TRAPPC5: variants seen among roughly 807,000 people sequenced by gnomAD.
The protein encoded by TRAPPC5 is trafficking protein particle complex subunit 5.
TRAPPC5 carries 5 observed loss-of-function variants against 9.8 expected under a neutral mutation model. That is an observed-to-expected ratio of 0.51 (90% CI 0.27 to 1.07). The LOEUF is 1.07. TRAPPC5 is among the 50% of genes least tolerant of loss of function. The probability of loss-of-function intolerance (pLI) is 0.12; values close to 1 mark genes in which losing one functional copy is unlikely to be tolerated. For missense variants in TRAPPC5, 243 were observed against 291.5 expected (o/e 0.83, Z 1.21); for synonymous variants, 146 against 140.7 (o/e 1.04, Z -0.26).
In TRAPPC5 at chr19:7,686,163, C is replaced by T. The variant is rs1388074815; in HGVS notation, c.*3343C>T. 1 of 152,440 alleles carries T rather than the reference C, an allele frequency of 6.6e-6. No individual in the cohort carries two copies. The highest frequency in any genetic ancestry group is 1.5e-5 in the Non-Finnish European group (1 of 68,282). 9.4% of individuals were successfully genotyped at this position (152,440 alleles called of 1,614,324 possible). On this transcript the variant is annotated 3_prime_UTR_variant, in exon 2 of 2. Coordinates refer to ENST00000596148, the MANE Select transcript of TRAPPC5 (RefSeq NM_001042462.2). ...AAGCTGGGAGTGCAGGGCCCAGGGTCTGTTCCCACGCCCCATCCCCACCGG... is the reference window on the plus strand; with the variant it reads ...AAGCTGGGAGTGCAGGGCCCAGGGTTTGTTCCCACGCCCCATCCCCACCGG...
rs1304472659 is a variant in TRAPPC5 at position 7,681,665 on chromosome 19, C to G, written c.-12-577C>G. Reference sequence around the variant, plus strand: ...GCCCCCAACCCTCCTGGCTTTTGGTCTTGACACGCTCCTACCCCACTCCCA... The same window carrying G: ...GCCCCCAACCCTCCTGGCTTTTGGTGTTGACACGCTCCTACCCCACTCCCA... On this transcript the variant is annotated intron_variant, in intron 1 of 1. Coordinates refer to ENST00000596148, the MANE Select transcript of TRAPPC5 (RefSeq NM_001042462.2). This position sits in a 1 kb window ranked among gnomAD's most constrained non-coding sequence, Gnocchi z 8.7. Among the ~76,000 whole-genome samples the G allele has an allele frequency of 6.6e-6, 1 of 151,894 alleles. No individual in the cohort carries two copies. The highest frequency in any genetic ancestry group is 1.5e-5 in the Non-Finnish European group (1 of 67,978).
chr19:7,682,847 A>G lies in TRAPPC5; in HGVS notation c.*27A>G. 6.5e-7 allele frequency: 1 copy of G among 1,542,996 alleles called. No homozygotes were observed. Among genetic ancestry groups the G allele is most frequent in the Admixed American group, 1.9e-5 (1 of 52,360 alleles). ...CCTGCCGGAGATAAAGGATACAGAG[A>G]GCCCCTCCCCACGTGTGTCTTGTGT... is the stretch of plus-strand genomic sequence containing the variant. On this transcript the variant is annotated 3_prime_UTR_variant, in exon 2 of 2. Transcript: ENST00000596148. This position sits in a 1 kb window ranked among gnomAD's most constrained non-coding sequence, Gnocchi z 8.6.
Position 7,680,891 on chromosome 19 carries a change from C to G in TRAPPC5, c.-13+13C>G, listed in dbSNP as rs945927157. The G allele has an allele frequency of 1.3e-5, 2 of 152,298 alleles. No individual in the cohort carries two copies. The highest frequency in any genetic ancestry group is 2.4e-5 in the African/African-American group (1 of 41,456). The allele number at this position is 152,298 out of a possible 1,614,324, so 9.4% of individuals were successfully genotyped here. On this transcript the variant is annotated intron_variant, in intron 1 of 1. Coordinates refer to ENST00000596148, the MANE Select transcript of TRAPPC5 (RefSeq NM_001042462.2). ...GCTGCGGTTCCTGGTGAGACCCTAC[C>G]CACCCCCCTGCCCGCGCCGGGCCTC... is the stretch of plus-strand genomic sequence containing the variant.
rs1041275342 is a variant in TRAPPC5, at chr19:7,684,033, C to G, written c.*1213C>G. On this transcript the variant is annotated 3_prime_UTR_variant, in exon 2 of 2. Transcript: ENST00000596148. ...CTGGTCTCAAACTCTTGGCCTCAAG[C>G]AATCCTTCCACCTTGGCCTCCGTAA... 4 of 152,122 alleles carry G rather than the reference C, an allele frequency of 2.6e-5. No individual in the cohort carries two copies. Among genetic ancestry groups the G allele is most frequent in the African/African-American group, 4.8e-5 (2 of 41,400 alleles). 9.4% of individuals were successfully genotyped at this position (152,122 alleles called of 1,614,324 possible). A position where few individuals can be genotyped will look rare whatever the true frequency, so the allele number is the denominator to read the frequency against.
In TRAPPC5 at chr19:7,682,748, C is replaced by G; in HGVS notation, c.495C>G (p.His165Gln). 1 of 1,612,298 alleles carries G rather than the reference C, an allele frequency of 6.2e-7. No homozygotes were observed. Among genetic ancestry groups the G allele is most frequent in the Non-Finnish European group, 8.5e-7 (1 of 1,179,240 alleles). ...GFPAKVTAHW[H>Q]KGTTLMIKFE... ...CTGCCAAGGTCACGGCGCACTGGCACAAGGGCACCACGCTCATGATCAAGT... is the reference window on the plus strand; with the variant it reads ...CTGCCAAGGTCACGGCGCACTGGCAGAAGGGCACCACGCTCATGATCAAGT... Residue 165 changes from histidine to glutamine, a missense_variant, in exon 2 of 2, where the codon CAC becomes CAG. Physicochemically the swap from His to Gln is conservative, Grantham distance 24. This residue lies in a region of TRAPPC5 where 154 missense variants were observed against 215.8 expected (regional missense o/e 0.71). Transcript: ENST00000596148. This position sits in a 1 kb window ranked among gnomAD's most constrained non-coding sequence, Gnocchi z 8.6.
chr19:7,682,925 A>AG lies in TRAPPC5; in HGVS notation c.*107dup. On this transcript the variant is annotated 3_prime_UTR_variant, in exon 2 of 2. Coordinates refer to ENST00000596148, the MANE Select transcript of TRAPPC5 (RefSeq NM_001042462.2). This position sits in a 1 kb window ranked among gnomAD's most constrained non-coding sequence, Gnocchi z 8.6. Reference sequence around the variant, plus strand: ...GTACCTTGAGCCACAGCCCTGCCCCAGGCTGGGGAGGGAGGCCAGGTCCGA... The same window carrying AG: ...GTACCTTGAGCCACAGCCCTGCCCCAGGGCTGGGGAGGGAGGCCAGGTCCGA... 7.7e-7 allele frequency: 1 copy of AG among 1,301,646 alleles called. No homozygotes were observed. Among genetic ancestry groups the AG allele is most frequent in the Non-Finnish European group, 1.0e-6 (1 of 957,312 alleles). The allele number at this position is 1,301,646 out of a possible 1,614,324, so 80.6% of individuals were successfully genotyped here.
In TRAPPC5 at chr19:7,686,820, CTT is replaced by C. The variant is rs200063392; in HGVS notation, c.*4003_*4004del. 0.067 allele frequency: 10,038 copies of C among 149,828 alleles called. 370 individuals carry two copies. The highest frequency in any genetic ancestry group is 0.082 in the Non-Finnish European group (5,554 of 67,858). 9.3% of individuals were successfully genotyped at this position (149,828 alleles called of 1,614,324 possible). A position where few individuals can be genotyped will look rare whatever the true frequency, so the allele number is the denominator to read the frequency against. On this transcript the variant is annotated 3_prime_UTR_variant, in exon 2 of 2. Transcript: ENST00000596148. ...CCACCGCACCTGGCTGGCTTTTTCT[CTT>C]TTCTTCTTCTTTTTTTTTGAGACAG...
chr19:7,682,699 C>A lies in TRAPPC5; in HGVS notation c.446C>A (p.Ala149Glu). Reference protein sequence around the residue: ...CASFTAGIVEAVLTHSGFPAK... With the variant: ...CASFTAGIVEEVLTHSGFPAK... Reference sequence around the variant, plus strand: ...AGCTTCACGGCGGGCATCGTGGAGGCGGTGCTCACACACAGCGGCTTCCCT... The same window carrying A: ...AGCTTCACGGCGGGCATCGTGGAGGAGGTGCTCACACACAGCGGCTTCCCT... Residue 149 changes from alanine (A) to glutamate (E), a missense_variant, in exon 2 of 2, where the codon GCG becomes GAG. Transcript: ENST00000596148. This position sits in a 1 kb window ranked among gnomAD's most constrained non-coding sequence, Gnocchi z 8.6. 6.2e-7 allele frequency: 1 copy of A among 1,613,064 alleles called. No individual in the cohort carries two copies. The highest frequency in any genetic ancestry group is 8.5e-7 in the Non-Finnish European group (1 of 1,179,662).
Position 7,682,319 on chromosome 19 carries a change from C to G in TRAPPC5, c.66C>G (p.Thr22=). Residue 22 remains threonine (T), a synonymous_variant, in exon 2 of 2, where the codon ACC becomes ACG. Transcript: ENST00000596148. The surrounding 1 kb of genome is among the most constrained non-coding windows in gnomAD (Gnocchi z 8.6). ...LLERALARPR[T]EVSLSAFALL... ...AGCGCGCGCTGGCGCGGCCGCGCACCGAGGTGAGCCTGAGCGCCTTCGCAC... is the reference window on the plus strand; with the variant it reads ...AGCGCGCGCTGGCGCGGCCGCGCACGGAGGTGAGCCTGAGCGCCTTCGCAC... 6.6e-7 allele frequency: 1 copy of G among 1,519,622 alleles called. No homozygotes were observed. 94.1% of individuals were successfully genotyped at this position (1,519,622 alleles called of 1,614,324 possible).
chr19:7,682,116 C>T lies in TRAPPC5; in HGVS notation c.-12-126C>T. On this transcript the variant is annotated intron_variant, in intron 1 of 1. Coordinates refer to ENST00000596148, the MANE Select transcript of TRAPPC5 (RefSeq NM_001042462.2). The surrounding 1 kb of genome is among the most constrained non-coding windows in gnomAD (Gnocchi z 8.6). ...TCTCTTTGCAAGTGGGAAGTCGGCA[C>T]TGGAGCACACAACAGTGGCATGGGT... 1.4e-6 allele frequency: 1 copy of T among 723,250 alleles called. No homozygotes were observed. Among genetic ancestry groups the T allele is most frequent in the Non-Finnish European group, 2.0e-6 (1 of 489,414 alleles). 44.8% of individuals were successfully genotyped at this position (723,250 alleles called of 1,614,324 possible). A position where few individuals can be genotyped will look rare whatever the true frequency, so the allele number is the denominator to read the frequency against.
At position 7,684,583 on chromosome 19, in the gene TRAPPC5, AT is replaced by A. The variant is rs983017734; in HGVS notation, c.*1764del. 2 of 150,162 alleles carry A rather than the reference AT, an allele frequency of 1.3e-5. No homozygotes were observed. The highest frequency in any genetic ancestry group is 4.9e-5 in the African/African-American group (2 of 40,740). 9.3% of individuals were successfully genotyped at this position (150,162 alleles called of 1,614,324 possible). On this transcript the variant is annotated 3_prime_UTR_variant, in exon 2 of 2. Coordinates refer to ENST00000596148, the MANE Select transcript of TRAPPC5 (RefSeq NM_001042462.2). ...AGGTCAGGCGCGGTGGCTCACGCCT[AT>A]AATCCCAGCACTTTGGGAGGCCGAG...
rs1241096769 is a variant in TRAPPC5 at position 7,681,502 on chromosome 19, A to G, written c.-13+624A>G. ...CCAACACCTCTGGGCCCCTCCTCCC[A>G]GCCTTCAGAACCCAGGCCCATCCGC... On this transcript the variant is annotated intron_variant, in intron 1 of 1. Coordinates refer to ENST00000596148, the MANE Select transcript of TRAPPC5 (RefSeq NM_001042462.2). This position sits in a 1 kb window ranked among gnomAD's most constrained non-coding sequence, Gnocchi z 8.7. 6.6e-6 allele frequency among the ~76,000 whole-genome samples: 1 copy of G among 152,100 alleles called. No homozygotes were observed. Among genetic ancestry groups the G allele is most frequent in the Non-Finnish European group, 1.5e-5 (1 of 68,004 alleles).
At position 7,686,051 on chromosome 19, in the gene TRAPPC5, G is replaced by T. The variant is rs1438293786; in HGVS notation, c.*3231G>T. ...GAGAGGGGCTTCCAGGGCCGGCCAG[G>T]GCAGGGGCCATTCTTCTGTCCAGAG... On this transcript the variant is annotated 3_prime_UTR_variant, in exon 2 of 2. Coordinates refer to ENST00000596148, the MANE Select transcript of TRAPPC5 (RefSeq NM_001042462.2). 6.6e-6 allele frequency: 1 copy of T among 152,334 alleles called. No individual in the cohort carries two copies. Among genetic ancestry groups the T allele is most frequent in the African/African-American group, 2.4e-5 (1 of 41,450 alleles). The allele number at this position is 152,334 out of a possible 1,614,324, so 9.4% of individuals were successfully genotyped here.
chr19:7,685,590 G>A lies in TRAPPC5; in HGVS notation c.*2770G>A, dbSNP rs763760502. 1 of 152,344 alleles carries A rather than the reference G, an allele frequency of 6.6e-6. No individual in the cohort carries two copies. Among genetic ancestry groups the A allele is most frequent in the African/African-American group, 2.4e-5 (1 of 41,466 alleles). 9.4% of individuals were successfully genotyped at this position (152,344 alleles called of 1,614,324 possible). A position where few individuals can be genotyped will look rare whatever the true frequency, so the allele number is the denominator to read the frequency against. On this transcript the variant is annotated 3_prime_UTR_variant, in exon 2 of 2. Coordinates refer to ENST00000596148, the MANE Select transcript of TRAPPC5 (RefSeq NM_001042462.2). ...GGACTGCCTGGTGGACCAGGGCTGA[G>A]GGCTTGGTCAGGGCAGTCTCAGCCA...
chr19:7,686,157 C>A lies in TRAPPC5; in HGVS notation c.*3337C>A, dbSNP rs2032714377. On this transcript the variant is annotated 3_prime_UTR_variant, in exon 2 of 2. Transcript: ENST00000596148. ...ATTTGTAAGCTGGGAGTGCAGGGCCCAGGGTCTGTTCCCACGCCCCATCCC... is the reference window on the plus strand; with the variant it reads ...ATTTGTAAGCTGGGAGTGCAGGGCCAAGGGTCTGTTCCCACGCCCCATCCC... 1 of 152,546 alleles carries A rather than the reference C, an allele frequency of 6.6e-6. No homozygotes were observed. Among genetic ancestry groups the A allele is most frequent in the South Asian group, 2.1e-4 (1 of 4,830 alleles). 9.4% of individuals were successfully genotyped at this position (152,546 alleles called of 1,614,324 possible).
At position 7,683,160 on chromosome 19, in the gene TRAPPC5, G is replaced by T; in HGVS notation, c.*340G>T. On this transcript the variant is annotated 3_prime_UTR_variant, in exon 2 of 2. Coordinates refer to ENST00000596148, the MANE Select transcript of TRAPPC5 (RefSeq NM_001042462.2). ...GCTGAGACAGACGCCTTTAGACTGG[G>T]GGTGGGCAAACTGCGCAAAGTGCCA... The T allele has an allele frequency of 3.2e-6, 1 of 314,378 alleles. No homozygotes were observed. The highest frequency in any genetic ancestry group is 5.9e-6 in the Non-Finnish European group (1 of 169,554). The allele number at this position is 314,378 out of a possible 1,614,324, so 19.5% of individuals were successfully genotyped here. A position where few individuals can be genotyped will look rare whatever the true frequency, so the allele number is the denominator to read the frequency against.
In TRAPPC5 at chr19:7,682,709, A is replaced by G; in HGVS notation, c.456A>G (p.Thr152=). Residue 152 remains threonine, a synonymous_variant, in exon 2 of 2, where the codon ACA becomes ACG. Transcript: ENST00000596148. This position sits in a 1 kb window ranked among gnomAD's most constrained non-coding sequence, Gnocchi z 8.6. The part of the protein sequence containing the change: ...FTAGIVEAVL[T]HSGFPAKVTA... ...CGGGCATCGTGGAGGCGGTGCTCAC[A>G]CACAGCGGCTTCCCTGCCAAGGTCA... is the stretch of plus-strand genomic sequence containing the variant. The G allele has an allele frequency of 6.2e-7, 1 of 1,612,902 alleles. No individual in the cohort carries two copies. The highest frequency in any genetic ancestry group is 8.5e-7 in the Non-Finnish European group (1 of 1,179,596).
At position 7,682,398 on chromosome 19, in the gene TRAPPC5, G is replaced by T; in HGVS notation, c.145G>T (p.Glu49Ter). Residue 49 changes from glutamate (E) to a stop codon, truncating the protein, a stop_gained, in exon 2 of 2, where the codon GAG becomes TAG. Coordinates refer to ENST00000596148, the MANE Select transcript of TRAPPC5 (RefSeq NM_001042462.2). LOFTEE classifies it high-confidence loss of function. The surrounding 1 kb of genome is among the most constrained non-coding windows in gnomAD (Gnocchi z 8.6). ...HCQSRVFSVA[E>*]LQSRLAALGR... ...CCAGAGCCGCGTCTTCTCCGTGGCC[G>T]AGCTGCAGTCGCGCCTGGCCGCGCT... The T allele has an allele frequency of 6.3e-7, 1 of 1,580,294 alleles. No homozygotes were observed. The highest frequency in any genetic ancestry group is 8.6e-7 in the Non-Finnish European group (1 of 1,163,670).
chr19:7,683,456 GT>G lies in TRAPPC5; in HGVS notation c.*637del, dbSNP rs1189738997. 1.3e-5 allele frequency: 2 copies of G among 152,498 alleles called. No homozygotes were observed. Among genetic ancestry groups the G allele is most frequent in the Non-Finnish European group, 2.9e-5 (2 of 68,420 alleles). The allele number at this position is 152,498 out of a possible 1,614,324, so 9.4% of individuals were successfully genotyped here. ...GCTGGTCTCGAACTCCTCATCTCAGGTGATCCGCCCACTTCAGCCTCCCAAA... is the reference window on the plus strand; with the variant it reads ...GCTGGTCTCGAACTCCTCATCTCAGGGATCCGCCCACTTCAGCCTCCCAAA... On this transcript the variant is annotated 3_prime_UTR_variant, in exon 2 of 2. Transcript: ENST00000596148.
Sources: gnomAD v4.1 joint callset for allele counts (sites outside exome capture counted in the v4.1 genomes callset) on GRCh38, gnomAD v4.1.1 for gene constraint, gnomAD v4.1.1 regional missense constraint, Gnocchi (gnomAD v3.1) non-coding constraint, MANE v1.5 for transcripts, NCBI Gene and HGNC (gene_info 2026-07-23, HGNC 2026-07-21) for gene names.